CLIC5: variants seen among roughly 807,000 people sequenced by gnomAD.
CLIC5 encodes chloride intracellular channel protein 5.
Under a neutral mutation model 24.7 loss-of-function variants are expected in CLIC5, and 20 were observed. The observed-to-expected ratio is 0.81, with a 90% CI of 0.57 to 1.18. CLIC5 has a LOEUF of 1.18. Ranked by LOEUF, CLIC5 falls within the 50% of genes most tolerant of loss-of-function variation. CLIC5 has a pLI of 0.00. For missense variants in CLIC5, 341 were observed against 326.1 expected (o/e 1.05, Z -0.35); for synonymous variants, 159 against 135.6 (o/e 1.17, Z -1.20).
chr6:46,064,622 AG>A (rs2127471765), intron 1 of CLIC5, among the ~76,000 whole-genome samples: 1 of 152,302 alleles, frequency 6.6e-6, no homozygotes, highest in African/African-American at 2.4e-5. Context: ...CAAATTTAGA[AG>A]TCTATAAAAT....
At chr6:45,954,525 G>T (rs936922605) in intron 2 of CLIC5, among the ~76,000 whole-genome samples, 5 of 152,192 alleles carry the variant, frequency 3.3e-5, no homozygotes, top group Non-Finnish European at 5.9e-5. Context: ...CTTATGGGGT[G>T]AGCCTCGAGC....
chr6:46,014,350 A>T (rs1191362806), intron 1 of CLIC5: 1 of 152,194 alleles, frequency 6.6e-6, no homozygotes, highest in Non-Finnish European at 1.5e-5. Context: ...CTTGTAGAGA[A>T]GGATCTTTTG....
At chr6:45,982,513 A>G (rs1331909087) in intron 1 of CLIC5, among the ~76,000 whole-genome samples, 2 of 152,168 alleles carry the variant, frequency 1.3e-5, no homozygotes, top group Non-Finnish European at 2.9e-5. Flanking sequence ...CCTAGGTTAT[A>G]TAGTGTAGTC....
At chr6:45,921,738 C>G in intron 4 of CLIC5, among the ~76,000 whole-genome samples, 1 of 152,172 alleles carries the variant, frequency 6.6e-6, no homozygotes, top group East Asian at 1.9e-4. Context: ...CTTGACTTTC[C>G]TAACATGTTA....
intron 1 of CLIC5, among the ~76,000 whole-genome samples, chr6:46,004,806 T>C (rs549833623): frequency 6.6e-6 from 1 of 152,174 alleles, no homozygotes; most frequent in South Asian, 2.1e-4. Flanking sequence ...CCAGAGCCTG[T>C]GGGGAAGCCC....
At chr6:46,092,302 A>G in the CLIC5 span, among the ~76,000 whole-genome samples, 2 of 152,216 alleles carry the variant, frequency 1.3e-5, no homozygotes, top group Non-Finnish European at 2.9e-5. Flanking sequence ...TTAAATTCTA[A>G]TGGTGTCTTC....
chr6:45,965,752 T>C (rs1378243148), intron 1 of CLIC5, among the ~76,000 whole-genome samples: 2 of 152,238 alleles, frequency 1.3e-5, no homozygotes, highest in South Asian at 2.1e-4. Flanking sequence ...TGTTTTCCAC[T>C]TAATGAGGCC....
chr6:45,949,289 T>C lies in CLIC5; in HGVS notation c.266A>G (p.Glu89Gly). The C allele has an allele frequency of 6.2e-7, 1 of 1,613,894 alleles. No homozygotes were observed. Among genetic ancestry groups the C allele is most frequent in the Non-Finnish European group, 8.5e-7 (1 of 1,179,872 alleles). ...GGTCAAGGTCTCCTCCAGGAACTCC[T>C]CGATCTTATTGACGTCTGTCTTCAC... ...GDVKTDVNKI[E>G]EFLEETLTPE... The change falls in exon 3 of 6, where the codon GAG (glutamate) becomes GGG (glycine). Residue 89 changes from glutamate (E) to glycine (G), a missense_variant. Coordinates refer to ENST00000339561, the MANE Select transcript of CLIC5 (RefSeq NM_016929.5).
At chr6:46,038,390 G>T (rs1172018029) in intron 1 of CLIC5, among the ~76,000 whole-genome samples, 1 of 152,150 alleles carries the variant, frequency 6.6e-6, no homozygotes, top group African/African-American at 2.4e-5. Context: ...CCTTAGTTGT[G>T]CTCTGTCCTT....
chr6:46,079,721 C>T lies in CLIC5; in HGVS notation c.522G>A (p.Glu174=), dbSNP rs3734207. 261,656 of 1,550,866 alleles carry T rather than the reference C, an allele frequency of 0.17. 25,083 individuals carry two copies. Among genetic ancestry groups the T allele is most frequent in the East Asian group, 0.34 (13,786 of 40,896 alleles). The stretch of plus-strand genomic sequence containing the variant: ...ACCTTACCTTCACAAAGAGGTAAAT[C>T]TCAGGGTTCATGTGAGCTCCCTCCT... Residue 174 remains glutamate (E), a synonymous_variant, in exon 1 of 6, where the codon GAG becomes GAA. Coordinates refer to the CLIC5 transcript ENST00000185206.
intron 1 of CLIC5, among the ~76,000 whole-genome samples, chr6:46,072,634 T>C (rs540486296): frequency 1.4e-4 from 21 of 152,332 alleles, no homozygotes; most frequent in African/African-American, 4.8e-4. Context: ...CACTTTCATT[T>C]TCAGAGTTAA....
intron 1 of CLIC5, among the ~76,000 whole-genome samples, chr6:45,984,614 G>T (rs1765671841): frequency 6.6e-6 from 1 of 152,202 alleles, no homozygotes; most frequent in Admixed American, 6.5e-5. Flanking sequence ...CAGGTCACCA[G>T]GATGCTCTCC....
In CLIC5 at chr6:45,928,798, A is replaced by T; in HGVS notation, c.406+12749T>A. Among the ~76,000 whole-genome samples, 4 of 118,544 alleles carry T rather than the reference A, an allele frequency of 3.4e-5. No homozygotes were observed. In the South Asian group the frequency reaches 9.7e-4, roughly 29 times the overall value. The allele number at this position is 118,544 out of a possible 152,430, so 77.8% of individuals were successfully genotyped here. ...TGTGTGTGTGTGTGTGTGTGTGTAG[A>T]GAGAGAGAGATTGAGAAACGTATTT... On this transcript the variant is annotated intron_variant, in intron 4 of 5. Transcript: ENST00000339561.
intron 1 of CLIC5, among the ~76,000 whole-genome samples, chr6:46,047,841 A>AT (rs1767994664): frequency 3.3e-5 from 2 of 61,444 alleles, no homozygotes; most frequent in Admixed American, 2.1e-4. Flanking sequence ...GTTTCAAAAA[A>AT]AACAGAAAAA....
intron 4 of CLIC5, among the ~76,000 whole-genome samples, chr6:45,928,795 T>TAG (rs1554147064): frequency 9.4e-5 from 14 of 148,486 alleles, no homozygotes; most frequent in South Asian, 6.4e-4. Context: ...TGTGTGTGTG[T>TAG]AGAGAGAGAG....
chr6:46,043,705 AG>A (rs1274047014), intron 1 of CLIC5, among the ~76,000 whole-genome samples: 5 of 152,222 alleles, frequency 3.3e-5, no homozygotes, highest in African/African-American at 1.2e-4. Flanking sequence ...GGAGATGGGA[AG>A]AAAGGAATGT....
At chr6:46,055,434 T>A (rs780039201) in intron 1 of CLIC5, among the ~76,000 whole-genome samples, 4 of 151,852 alleles carry the variant, frequency 2.6e-5, no homozygotes, top group African/African-American at 4.8e-5. Context: ...GATGGGGTTT[T>A]GCCATGTTGG....
intron 6 of CLIC5, chr6:45,881,305 A>G: frequency 2.5e-6 from 1 of 395,302 alleles, no homozygotes; most frequent in Non-Finnish European, 4.5e-6. Context: ...CAAGTTATGT[A>G]TGTTAAAGCC....
At chr6:46,096,317 C>T in the CLIC5 span, among the ~76,000 whole-genome samples, 1 of 152,226 alleles carries the variant, frequency 6.6e-6, no homozygotes, top group Non-Finnish European at 1.5e-5. Flanking sequence ...CAAACCATAT[C>T]ATGCCACAAA....
Sources: gnomAD v4.1 joint callset for allele counts (sites outside exome capture counted in the v4.1 genomes callset) on GRCh38, gnomAD v4.1.1 for gene constraint, MANE v1.5 for transcripts, NCBI Gene and HGNC (gene_info 2026-07-23, HGNC 2026-07-21) for gene names.